CORO2B: variants seen among roughly 807,000 people sequenced by gnomAD.
CORO2B encodes the protein coronin-2B.
Under a neutral mutation model 58.8 loss-of-function variants are expected in CORO2B, and 26 were observed. That is an observed-to-expected ratio of 0.44 (90% CI 0.32 to 0.61). The LOEUF is 0.61. Ranked by LOEUF, CORO2B falls within the 20% of genes least tolerant of loss-of-function variation. CORO2B has a pLI of 0.04. For synonymous variants in CORO2B, 242 were observed against 253.8 expected (o/e 0.95, Z 0.44); for missense variants, 460 against 645.1 (o/e 0.71, Z 3.11).
At chr15:68,626,107 G>T (rs1900674841) in intron 1 of CORO2B, among the ~76,000 whole-genome samples, 1 of 152,080 alleles carries the variant, frequency 6.6e-6, no homozygotes, top group Non-Finnish European at 1.5e-5. Flanking sequence ...TTTCTGCACG[G>T]GCTGCTTCAA....
At chr15:68,717,509 A>G (rs1567019591) in intron 8 of CORO2B, among the ~76,000 whole-genome samples, 1 of 152,184 alleles carries the variant, frequency 6.6e-6, no homozygotes, top group Non-Finnish European at 1.5e-5. Context: ...TTGCTAAGGT[A>G]TCGGATATGG....
At chr15:68,694,599 A>G (rs1392971776) in intron 2 of CORO2B, among the ~76,000 whole-genome samples, 1 of 152,162 alleles carries the variant, frequency 6.6e-6, no homozygotes, top group Non-Finnish European at 1.5e-5. Flanking sequence ...ATATAGGTGG[A>G]CCCAGAGATT....
rs529856440 is a variant in CORO2B, at chr15:68,711,627, C to T, written c.569C>T (p.Thr190Met). The change falls in exon 5 of 12, where the codon ACG becomes ATG. Residue 190 changes from threonine (T) to methionine (M), a missense_variant. Thr to Met is a moderately conservative substitution (Grantham distance 81, BLOSUM62 -1). Transcript: ENST00000261861. The stretch of plus-strand genomic sequence containing the variant: ...GTGATCCTCTGCATGTCCTTCAACA[C>T]GGACGGCAGCCTGCTCACCACCACG... Reference protein sequence around the residue: ...TDVILCMSFNTDGSLLTTTCK... With the variant: ...TDVILCMSFNMDGSLLTTTCK... 8.1e-6 allele frequency: 13 copies of T among 1,614,146 alleles called. No individual in the cohort carries two copies. The highest frequency in any genetic ancestry group is 5.0e-5 in the Admixed American group (3 of 60,024).
In CORO2B at chr15:68,624,719, G is replaced by C. The variant is rs111248494; in HGVS notation, c.16-20441G>C. On this transcript the variant is annotated intron_variant, in intron 1 of 11. Coordinates refer to ENST00000261861, the MANE Select transcript of CORO2B (RefSeq NM_006091.5). ...TTCTTTTTATTTTCTTTGAGATAGA[G>C]TCTCGCTCTGTCACCCAGGCTGGAG... 4.7e-3 allele frequency among the ~76,000 whole-genome samples: 707 copies of C among 151,510 alleles called. 2 individuals are homozygous for C. Among genetic ancestry groups the C allele is most frequent in the African/African-American group, 0.015 (636 of 41,274 alleles).
intron 1 of CORO2B, among the ~76,000 whole-genome samples, chr15:68,594,686 T>A (rs1336718140): frequency 3.3e-5 from 5 of 152,172 alleles, no homozygotes; most frequent in African/African-American, 1.2e-4. Context: ...CCACTTCCCA[T>A]GTCTGCGAGC....
At chr15:68,576,965 G>C (rs1034582618), upstream of CORO2B, among the ~76,000 whole-genome samples, 2 of 152,168 alleles carry the variant, frequency 1.3e-5, no homozygotes, top group African/African-American at 4.8e-5. Context: ...CATTGGGCTG[G>C]AGTTGTCAGG....
chr15:68,518,725 C>A, the CORO2B span, among the ~76,000 whole-genome samples: 53 of 152,176 alleles, frequency 3.5e-4, no homozygotes, highest in African/African-American at 1.2e-3. Context: ...TCCTGGGAAC[C>A]CTGTGATGCC....
At chr15:68,594,794 C>T (rs141316590) in intron 1 of CORO2B, among the ~76,000 whole-genome samples, 5 of 152,284 alleles carry the variant, frequency 3.3e-5, no homozygotes, top group African/African-American at 1.2e-4. Context: ...GGACAGAAAG[C>T]CCTTTCAACC....
chr15:68,677,162 C>T (rs1596007395), intron 2 of CORO2B, among the ~76,000 whole-genome samples: 1 of 152,200 alleles, frequency 6.6e-6, no homozygotes, highest in Non-Finnish European at 1.5e-5. Flanking sequence ...TCCAAGCCAT[C>T]TGTCAGTGCT....
chr15:68,550,107 C>A, the CORO2B span, among the ~76,000 whole-genome samples: 1 of 152,072 alleles, frequency 6.6e-6, no homozygotes, highest in Non-Finnish European at 1.5e-5. Flanking sequence ...AAGGTGGAAT[C>A]AGCTGAGGGG....
In CORO2B at chr15:68,693,948, G is replaced by C. The variant is rs111375955; in HGVS notation, c.217-1192G>C. 1.9e-3 allele frequency among the ~76,000 whole-genome samples: 288 copies of C among 152,310 alleles called. 3 individuals are homozygous for C. Among genetic ancestry groups the C allele is most frequent in the African/African-American group, 6.6e-3 (276 of 41,570 alleles). ...CCTCCTGGGTTCAAGCGATTCTCCT[G>C]TCTCAGCCTCCCGAGTAGCTGGGAT... is the stretch of plus-strand genomic sequence containing the variant. On this transcript the variant is annotated intron_variant, in intron 2 of 11. Transcript: ENST00000261861.
Position 68,714,087 on chromosome 15 carries a change from G to A in CORO2B, c.765+46G>A, listed in dbSNP as rs555673008. 112 of 1,314,902 alleles carry A rather than the reference G, an allele frequency of 8.5e-5. No homozygotes were observed. In the East Asian group the frequency reaches 1.8e-3, roughly 21 times the overall value. 81.5% of individuals were successfully genotyped at this position (1,314,902 alleles called of 1,614,324 possible). A position where few individuals can be genotyped will look rare whatever the true frequency, so the allele number is the denominator to read the frequency against. ...CTGGGTTTGGGCTAAAGGAAGCATC[G>A]TTGCCTCGGAGGTCACTTCCTCAGA... On this transcript the variant is annotated intron_variant, in intron 6 of 11. Coordinates refer to ENST00000261861, the MANE Select transcript of CORO2B (RefSeq NM_006091.5).
intron 2 of CORO2B, among the ~76,000 whole-genome samples, chr15:68,659,568 AT>A (rs1423420282): frequency 6.6e-6 from 1 of 152,148 alleles, no homozygotes; most frequent in African/African-American, 2.4e-5. Context: ...TTTTGATTAA[AT>A]TTTTAAAAAG....
At chr15:68,705,143 G>A (rs8027249) in intron 3 of CORO2B, among the ~76,000 whole-genome samples, 4,801 of 152,250 alleles carry the variant, frequency 0.032, 232 homozygotes, top group African/African-American at 0.11. Context: ...TGTATTCAAT[G>A]TCAAAGCAGA....
chr15:68,696,903 A>G (rs1892525853), intron 3 of CORO2B, among the ~76,000 whole-genome samples: 11 of 152,224 alleles, frequency 7.2e-5, no homozygotes, highest in Admixed American at 7.2e-4. Context: ...TCACTGGCAG[A>G]GCCTGGGTAC....
intron 1 of CORO2B, among the ~76,000 whole-genome samples, chr15:68,637,389 G>C (rs1317821269): frequency 6.6e-6 from 1 of 152,232 alleles, no homozygotes; most frequent in African/African-American, 2.4e-5. Flanking sequence ...CCCGGGTGGA[G>C]GGGGAACAGA....
intron 2 of CORO2B, among the ~76,000 whole-genome samples, chr15:68,672,800 C>A (rs976674360): frequency 6.6e-6 from 1 of 152,118 alleles, no homozygotes; most frequent in African/African-American, 2.4e-5. Flanking sequence ...AGGCAGGGAC[C>A]TGCCACCCCA....
At chr15:68,546,922 C>T in the CORO2B span, among the ~76,000 whole-genome samples, 6 of 152,020 alleles carry the variant, frequency 3.9e-5, no homozygotes, top group Admixed American at 1.3e-4. Context: ...CTTGTTGGAT[C>T]GCATCTTACG....
chr15:68,526,462 C>T, the CORO2B span, among the ~76,000 whole-genome samples: 2 of 152,194 alleles, frequency 1.3e-5, no homozygotes, highest in Admixed American at 1.3e-4. Context: ...AGTCATACCT[C>T]ATTGTGGTTT....
Sources: gnomAD v4.1 joint callset for allele counts (sites outside exome capture counted in the v4.1 genomes callset) on GRCh38, gnomAD v4.1.1 for gene constraint, MANE v1.5 for transcripts, NCBI Gene and HGNC (gene_info 2026-07-23, HGNC 2026-07-21) for gene names.